TBCK: variants seen among roughly 807,000 people sequenced by gnomAD.
The protein encoded by TBCK is TBC1 domain containing kinase, also known as TBC domain-containing protein kinase-like protein.
TBCK carries 99 observed loss-of-function variants against 113.4 expected under a neutral mutation model. The ratio of observed to expected loss-of-function variants is 0.87; its 90% CI spans 0.74 to 1.03. TBCK has a LOEUF of 1.03. Among genes scored for constraint, TBCK ranks in the 50% least tolerant of loss-of-function variants. The pLI, the probability that TBCK is intolerant of heterozygous loss-of-function variation, is 0.00. For synonymous variants in TBCK, 369 were observed against 370.8 expected, an observed-to-expected ratio of 1.00 and a Z score of 0.05; for missense variants, 1,045 against 1,061.3, an observed-to-expected ratio of 0.98 and a Z score of 0.21.
chr4:106,160,437 A>G (rs1174611004), intron 23 of TBCK, among the ~76,000 whole-genome samples: 2 of 151,970 alleles, frequency 1.3e-5, no homozygotes, highest in Non-Finnish European at 2.9e-5. Context: ...AAACAACTCA[A>G]AAGACCTTGA....
intron 11 of TBCK, among the ~76,000 whole-genome samples, chr4:106,243,367 T>C (rs1760393478): frequency 6.6e-6 from 1 of 152,156 alleles, no homozygotes; most frequent in Non-Finnish European, 1.5e-5. Context: ...TATTGGATAG[T>C]AACCTCATAG....
chr4:106,060,811 T>C (rs1735953464), intron 25 of TBCK, among the ~76,000 whole-genome samples: 3 of 151,782 alleles, frequency 2.0e-5, no homozygotes, highest in African/African-American at 7.2e-5. Flanking sequence ...TTTCAAAACA[T>C]TTGTGACTCT....
chr4:106,105,047 C>T (rs923098059), intron 24 of TBCK, among the ~76,000 whole-genome samples: 1 of 152,246 alleles, frequency 6.6e-6, no homozygotes, highest in African/African-American at 2.4e-5. Context: ...CCAGAGCCTA[C>T]AGGGGCAAAT....
Position 106,286,610 on chromosome 4 carries a change from C to G in TBCK, c.266+8484G>C, listed in dbSNP as rs1367076876. ...GGGAGGCTAAGGCAAGAAGATCACT[C>G]GGGCCTAGGAGTTCAACACCAGCCT... On this transcript the variant is annotated intron_variant, in intron 3 of 25. Coordinates refer to ENST00000394708, the MANE Select transcript of TBCK (RefSeq NM_001163435.3). Among the ~76,000 whole-genome samples the G allele has an allele frequency of 1.3e-5, 2 of 152,052 alleles. 1 individual carries two copies. Among genetic ancestry groups the G allele is most frequent in the South Asian group, 4.1e-4 (2 of 4,824 alleles).
At chr4:106,098,241 AAAC>A (rs1224699247) in intron 24 of TBCK, among the ~76,000 whole-genome samples, 2 of 152,084 alleles carry the variant, frequency 1.3e-5, no homozygotes, top group Non-Finnish European at 2.9e-5. Context: ...GATATGGGGT[AAAC>A]AATAACCACA....
chr4:106,186,785 T>C (rs1753072344), intron 22 of TBCK, among the ~76,000 whole-genome samples: 1 of 152,138 alleles, frequency 6.6e-6, no homozygotes, highest in Non-Finnish European at 1.5e-5. Context: ...CAATTGCTCT[T>C]GAGGACTTAG....
chr4:106,281,632 G>A (rs1440303777), intron 3 of TBCK, among the ~76,000 whole-genome samples: 1 of 152,034 alleles, frequency 6.6e-6, no homozygotes, highest in Non-Finnish European at 1.5e-5. Context: ...AAGGGTTGTG[G>A]AATTTTATCA....
intron 25 of TBCK, among the ~76,000 whole-genome samples, chr4:106,067,990 T>C (rs535600186): frequency 1.3e-5 from 2 of 152,246 alleles, no homozygotes; most frequent in African/African-American, 2.4e-5. Context: ...TTAATATGAA[T>C]TTTAGTATGG....
rs1302464559 is a variant in TBCK, at chr4:106,043,097, T to TA, written c.*3472dup. Reference sequence around the variant, plus strand: ...ATTGATACTGGGTATCCCACGGGCCTAAAAGCTGTGCCTTTCAGGTCCTTT... The same window carrying TA: ...ATTGATACTGGGTATCCCACGGGCCTAAAAAGCTGTGCCTTTCAGGTCCTTT... On this transcript the variant is annotated 3_prime_UTR_variant, in exon 26 of 26. Coordinates refer to ENST00000394708, the MANE Select transcript of TBCK (RefSeq NM_001163435.3). 4.6e-5 allele frequency: 7 copies of TA among 152,222 alleles called. No individual in the cohort carries two copies. Among genetic ancestry groups the TA allele is most frequent in the Non-Finnish European group, 8.8e-5 (6 of 68,032 alleles). 9.4% of individuals were successfully genotyped at this position (152,222 alleles called of 1,614,324 possible).
At chr4:106,290,939 A>G (rs1765646795) in intron 3 of TBCK, among the ~76,000 whole-genome samples, 1 of 152,200 alleles carries the variant, frequency 6.6e-6, no homozygotes, top group Non-Finnish European at 1.5e-5. Flanking sequence ...TGAGGCAGTG[A>G]TGCTAGCGCT....
chr4:106,171,026 T>C (rs1291836865), intron 23 of TBCK, 69 bp downstream of exon 23: 1 of 1,244,478 alleles, frequency 8.0e-7, no homozygotes, highest in Non-Finnish European at 1.1e-6. Flanking sequence ...ACAATAAAGA[T>C]ACTAGGGTAT....
intron 23 of TBCK, among the ~76,000 whole-genome samples, chr4:106,161,824 T>G (rs1383086241): frequency 6.6e-6 from 1 of 152,154 alleles, no homozygotes; most frequent in South Asian, 2.1e-4. Flanking sequence ...ATGGTAACTG[T>G]AGGATGCAAG....
chr4:106,276,551 A>T (rs1375928360), intron 3 of TBCK, among the ~76,000 whole-genome samples: 1 of 152,168 alleles, frequency 6.6e-6, no homozygotes, highest in Non-Finnish European at 1.5e-5. Flanking sequence ...ATCTCTAAAT[A>T]CAATAATAAT....
chr4:106,141,920 A>G lies in TBCK; in HGVS notation c.2236-25542T>C, dbSNP rs761579965. On this transcript the variant is annotated intron_variant, in intron 23 of 25. Transcript: ENST00000394708. ...ACAGCACCAAACACATGGTATAATT[A>G]TAATCTTAACTCTTGGTACTAGAAA... 1.8e-4 allele frequency among the ~76,000 whole-genome samples: 25 copies of G among 141,518 alleles called. 3 individuals are homozygous for G. The highest frequency in any genetic ancestry group is 3.4e-4 in the Non-Finnish European group (21 of 62,326). 92.8% of individuals were successfully genotyped at this position (141,518 alleles called of 152,430 possible). A position where few individuals can be genotyped will look rare whatever the true frequency, so the allele number is the denominator to read the frequency against.
chr4:106,147,621 G>C (rs932834204), intron 23 of TBCK, among the ~76,000 whole-genome samples: 11 of 151,932 alleles, frequency 7.2e-5, no homozygotes, highest in African/African-American at 2.7e-4. Flanking sequence ...CAGTACCCTT[G>C]TGATTTCCTA....
At chr4:106,082,688 G>A (rs1355147072) in intron 25 of TBCK, among the ~76,000 whole-genome samples, 1 of 152,214 alleles carries the variant, frequency 6.6e-6, no homozygotes, top group East Asian at 1.9e-4. Context: ...TGGCTGACTA[G>A]AAGCAGCAGC....
chr4:106,057,021 A>G (rs1175703091), intron 25 of TBCK, among the ~76,000 whole-genome samples: 1 of 151,828 alleles, frequency 6.6e-6, no homozygotes, highest in Non-Finnish European at 1.5e-5. Flanking sequence ...TAGTGTTACA[A>G]AGAAAGTAAG....
chr4:106,188,662 A>AC (rs1753311913), intron 22 of TBCK, among the ~76,000 whole-genome samples: 1 of 152,164 alleles, frequency 6.6e-6, no homozygotes, highest in African/African-American at 2.4e-5. Flanking sequence ...TAAGATGTAT[A>AC]AGAACTCAGA....
chr4:106,096,896 T>G (rs867431913), intron 24 of TBCK, among the ~76,000 whole-genome samples: 1 of 152,190 alleles, frequency 6.6e-6, no homozygotes, highest in South Asian at 2.1e-4. Context: ...TAGAAGACCC[T>G]GACTCTAAAA....
Sources: gnomAD v4.1 joint callset for allele counts (sites outside exome capture counted in the v4.1 genomes callset) on GRCh38, gnomAD v4.1.1 for gene constraint, MANE v1.5 for transcripts, NCBI Gene and HGNC (gene_info 2026-07-23, HGNC 2026-07-21) for gene names.